Variants in LSAMP observed in about 807,000 individuals in gnomAD.
The protein encoded by LSAMP is limbic system associated membrane protein.
A neutral mutation model predicts 38.6 loss-of-function variants in LSAMP; 7 were observed. The ratio of observed to expected loss-of-function variants is 0.18; its 90% CI spans 0.10 to 0.34. The LOEUF is 0.34. Ranked by LOEUF, LSAMP falls within the 10% of genes least tolerant of loss-of-function variation. The pLI, the probability that LSAMP is intolerant of heterozygous loss-of-function variation, is 1.00. For synonymous variants in LSAMP, 154 were observed against 166.8 expected (o/e 0.92, Z 0.59); for missense variants, 313 against 420.0 (o/e 0.75, Z 2.23).
At chr3:116,127,119 G>T (rs1709025711) in intron 1 of LSAMP, among the ~76,000 whole-genome samples, 1 of 152,182 alleles carries the variant, frequency 6.6e-6, no homozygotes, top group Non-Finnish European at 1.5e-5. Context: ...AAGTGATAGA[G>T]TAGGAATCTC....
At chr3:116,067,667 C>T (rs1576343295) in intron 2 of LSAMP, among the ~76,000 whole-genome samples, 1 of 152,068 alleles carries the variant, frequency 6.6e-6, no homozygotes, top group South Asian at 2.1e-4. Flanking sequence ...TTTTTAACTC[C>T]GTTAAAGAAC....
chr3:115,963,006 A>G (rs1576261306), intron 3 of LSAMP, among the ~76,000 whole-genome samples: 1 of 152,326 alleles, frequency 6.6e-6, no homozygotes, highest in Middle Eastern at 3.4e-3. Flanking sequence ...CCAGGGACCA[A>G]CTTACTACTG....
chr3:115,873,852 C>T (rs1197207172), intron 3 of LSAMP, among the ~76,000 whole-genome samples: 3 of 152,140 alleles, frequency 2.0e-5, no homozygotes, highest in African/African-American at 7.2e-5. Flanking sequence ...TCCTAGCCTG[C>T]TGGAGAGCCT....
chr3:116,356,471 C>G (rs769888875), intron 1 of LSAMP, among the ~76,000 whole-genome samples: 3 of 152,022 alleles, frequency 2.0e-5, no homozygotes, highest in Non-Finnish European at 4.4e-5. Flanking sequence ...ATGGGGAAGG[C>G]TAATAGGTAC....
At chr3:116,002,625 G>C (rs752184875) in intron 3 of LSAMP, among the ~76,000 whole-genome samples, 6 of 152,166 alleles carry the variant, frequency 3.9e-5, no homozygotes, top group Non-Finnish European at 7.3e-5. Flanking sequence ...CTAGCCAAGG[G>C]GTAGTGGAGG....
chr3:116,334,098 A>C (rs890124813), intron 1 of LSAMP, among the ~76,000 whole-genome samples: 1 of 152,018 alleles, frequency 6.6e-6, no homozygotes, highest in Non-Finnish European at 1.5e-5. Flanking sequence ...AAAAAATTAG[A>C]AGTCAATACT....
At chr3:115,967,994 G>T (rs1938878858) in intron 3 of LSAMP, among the ~76,000 whole-genome samples, 1 of 152,072 alleles carries the variant, frequency 6.6e-6, no homozygotes, top group African/African-American at 2.4e-5. Flanking sequence ...CCCACAGTGA[G>T]TACTGCCTGG....
chr3:116,376,262 A>G (rs1296333864), intron 1 of LSAMP, among the ~76,000 whole-genome samples: 1 of 152,070 alleles, frequency 6.6e-6, no homozygotes, highest in East Asian at 1.9e-4. Context: ...GGATGATGAG[A>G]TAATCTTGCA....
At chr3:116,052,773 G>A (rs752836845) in intron 2 of LSAMP, among the ~76,000 whole-genome samples, 85 of 152,292 alleles carry the variant, frequency 5.6e-4, no homozygotes, top group Admixed American at 7.9e-4. Context: ...GTGTGACATC[G>A]TTCAAGGTGC....
At chr3:116,222,897 G>A (rs1369900576) in intron 1 of LSAMP, among the ~76,000 whole-genome samples, 6 of 151,342 alleles carry the variant, frequency 4.0e-5, no homozygotes, top group Admixed American at 6.6e-5. Context: ...CACCATGCCC[G>A]GCTAATTTTT....
chr3:116,085,995 T>A (rs930542433), intron 2 of LSAMP, among the ~76,000 whole-genome samples: 1 of 152,228 alleles, frequency 6.6e-6, no homozygotes, highest in South Asian at 2.1e-4. Flanking sequence ...AAAAGTGTAC[T>A]TCATATGGCC....
In LSAMP at chr3:115,928,546, G is replaced by A. The variant is rs189846375; in HGVS notation, c.515-75929C>T. On this transcript the variant is annotated intron_variant, in intron 3 of 6. Transcript: ENST00000490035. ...GCTTAATGGAAGTCAGAGATTTGGG[G>A]GAGAAGATGAGAACTTCCTTTAAAA... 1.7e-4 allele frequency among the ~76,000 whole-genome samples: 26 copies of A among 152,332 alleles called. 1 individual carries two copies. Among genetic ancestry groups the A allele is most frequent in the African/African-American group, 5.1e-4 (21 of 41,578 alleles).
rs146037197 is a variant in LSAMP at position 116,048,167 on chromosome 3, A to G, written c.389-28527T>C. On this transcript the variant is annotated intron_variant, in intron 2 of 6. Transcript: ENST00000490035. Reference sequence around the variant, plus strand: ...TACAACTATCTGGGTAGCAAATGGTAAAGGGATTTGTTGTTAGAGAAGAGT... The same window carrying G: ...TACAACTATCTGGGTAGCAAATGGTGAAGGGATTTGTTGTTAGAGAAGAGT... Among the ~76,000 whole-genome samples, 102 of 152,330 alleles carry G rather than the reference A, an allele frequency of 6.7e-4. 1 individual carries two copies. The East Asian group carries it at 0.014, about 21-fold the overall frequency.
chr3:115,839,267 TTCC>T (rs1181624152), intron 6 of LSAMP, among the ~76,000 whole-genome samples: 1 of 59,144 alleles, frequency 1.7e-5, no homozygotes, highest in East Asian at 6.4e-4. Flanking sequence ...CTTTCTTTCC[TTCC>T]TTCCTTCCTT....
intron 1 of LSAMP, among the ~76,000 whole-genome samples, chr3:116,258,071 T>C (rs2046774320): frequency 6.6e-6 from 1 of 152,070 alleles, no homozygotes; most frequent in South Asian, 2.1e-4. Context: ...CTTGTCACCC[T>C]TTTTACTTTT....
At chr3:116,130,985 C>T (rs188872164) in intron 1 of LSAMP, among the ~76,000 whole-genome samples, 3 of 141,510 alleles carry the variant, frequency 2.1e-5, no homozygotes, top group Admixed American at 1.5e-4. Flanking sequence ...TAAGGTTCCA[C>T]ACTTTTTTTT....
chr3:116,036,034 G>A (rs1389570760), intron 2 of LSAMP, among the ~76,000 whole-genome samples: 3 of 152,188 alleles, frequency 2.0e-5, no homozygotes, highest in East Asian at 1.9e-4. Context: ...TAGCTGCTAC[G>A]TAACAGAGGC....
intron 1 of LSAMP, among the ~76,000 whole-genome samples, chr3:116,226,092 A>C (rs2046338942): frequency 1.3e-5 from 2 of 152,176 alleles, no homozygotes; most frequent in African/African-American, 4.8e-5. Flanking sequence ...ACAATCAATA[A>C]GTTTCTCCCA....
chr3:116,323,607 T>C (rs2107732819), intron 1 of LSAMP, among the ~76,000 whole-genome samples: 1 of 152,212 alleles, frequency 6.6e-6, no homozygotes, highest in South Asian at 2.1e-4. Context: ...TTTACTTATT[T>C]CTCTCATCAG....
Sources: gnomAD v4.1 joint callset for allele counts (sites outside exome capture counted in the v4.1 genomes callset) on GRCh38, gnomAD v4.1.1 for gene constraint, MANE v1.5 for transcripts, NCBI Gene and HGNC (gene_info 2026-07-23, HGNC 2026-07-21) for gene names.